The following ADK variants were observed in gnomAD, a reference collection of about 807,000 sequenced individuals.
ADK encodes adenosine kinase, also known as N6,N6-dimethyladenosine kinase.
Under a neutral mutation model 44.7 loss-of-function variants are expected in ADK, and 24 were observed. That is an observed-to-expected ratio of 0.54 (90% CI 0.39 to 0.76). ADK has a LOEUF of 0.76. Ranked by LOEUF, ADK falls within the 30% of genes least tolerant of loss-of-function variation. ADK has a pLI of 0.00. For missense variants in ADK, 321 were observed against 425.1 expected (o/e 0.76, Z 2.15); for synonymous variants, 128 against 142.6 (o/e 0.90, Z 0.73).
chr10:74,605,385 A>G (rs1217706449), intron 9 of ADK, among the ~76,000 whole-genome samples: 1 of 152,192 alleles, frequency 6.6e-6, no homozygotes, highest in Non-Finnish European at 1.5e-5. Flanking sequence ...TGGGTTTGTC[A>G]TAAATAGTTC....
At chr10:74,318,667 C>T (rs928269960) in intron 4 of ADK, among the ~76,000 whole-genome samples, 5 of 152,090 alleles carry the variant, frequency 3.3e-5, no homozygotes, top group African/African-American at 1.2e-4. Flanking sequence ...AGGATGATAG[C>T]CAATGTCTTT....
chr10:74,152,601 T>A (rs1841634767), intron 1 of ADK, among the ~76,000 whole-genome samples: 1 of 152,178 alleles, frequency 6.6e-6, no homozygotes, highest in Non-Finnish European at 1.5e-5. Context: ...ACCCTTAGAT[T>A]TCCTTAGATT....
At chr10:74,540,711 C>T (rs1354369805) in intron 7 of ADK, among the ~76,000 whole-genome samples, 2 of 152,164 alleles carry the variant, frequency 1.3e-5, no homozygotes, top group Admixed American at 6.5e-5. Flanking sequence ...CCACCTGCCT[C>T]GGCCTCCCAT....
chr10:74,177,135 G>A (rs1418560863), intron 1 of ADK, among the ~76,000 whole-genome samples: 1 of 152,146 alleles, frequency 6.6e-6, no homozygotes, highest in Non-Finnish European at 1.5e-5. Flanking sequence ...CAAATTCCAG[G>A]GTTGCAAGCG....
intron 4 of ADK, among the ~76,000 whole-genome samples, chr10:74,382,922 T>G (rs1272958260): frequency 6.6e-6 from 1 of 152,102 alleles, no homozygotes; most frequent in East Asian, 1.9e-4. Context: ...ACAGCAAAGT[T>G]TCCTTACAAT....
intron 9 of ADK, among the ~76,000 whole-genome samples, chr10:74,642,127 T>C (rs960406924): frequency 4.6e-5 from 7 of 152,170 alleles, no homozygotes; most frequent in Admixed American, 4.6e-4. Context: ...TAACCAGATA[T>C]TAAAGAGATT....
chr10:74,634,667 G>A lies in ADK; in HGVS notation c.877+34174G>A, dbSNP rs1485221508. 5.9e-5 allele frequency among the ~76,000 whole-genome samples: 9 copies of A among 152,206 alleles called. No individual in the cohort carries two copies. The East Asian group carries it at 1.7e-3, about 29-fold the overall frequency. On this transcript the variant is annotated intron_variant, in intron 9 of 10. Coordinates refer to ENST00000539909, the MANE Select transcript of ADK (RefSeq NM_006721.4). The stretch of plus-strand genomic sequence containing the variant: ...GAGAAAAAAAACAATGAACATGGCC[G>A]GGTGCAGTGGCTCACACCTGTAATC...
intron 4 of ADK, among the ~76,000 whole-genome samples, chr10:74,384,986 A>G (rs981269074): frequency 1.3e-5 from 2 of 152,192 alleles, no homozygotes; most frequent in Non-Finnish European, 2.9e-5. Flanking sequence ...AGGCAGGGAG[A>G]TGATCTAAGA....
chr10:74,273,890 C>T (rs900873720), intron 3 of ADK, among the ~76,000 whole-genome samples: 1 of 152,180 alleles, frequency 6.6e-6, no homozygotes, highest in South Asian at 2.1e-4. Context: ...CTAAACCTTA[C>T]GTAAAGTTCT....
intron 4 of ADK, among the ~76,000 whole-genome samples, chr10:74,385,142 TA>T (rs1052705161): frequency 6.6e-6 from 1 of 152,222 alleles, no homozygotes; most frequent in Non-Finnish European, 1.5e-5. Context: ...AACTGAATTG[TA>T]TATTTTAAAG....
intron 4 of ADK, among the ~76,000 whole-genome samples, chr10:74,357,453 C>A (rs998427174): frequency 1.5e-5 from 2 of 130,424 alleles, no homozygotes; most frequent in Non-Finnish European, 3.3e-5. Flanking sequence ...CCCCACCATA[C>A]CCAGTGATTT....
intron 9 of ADK, among the ~76,000 whole-genome samples, chr10:74,608,699 G>C (rs1852430358): frequency 6.6e-6 from 1 of 152,150 alleles, no homozygotes; most frequent in South Asian, 2.1e-4. Context: ...CAGTCAGGAG[G>C]CATGGGGGTC....
chr10:74,426,905 T>C (rs1227847101), intron 6 of ADK, among the ~76,000 whole-genome samples: 1 of 152,162 alleles, frequency 6.6e-6, no homozygotes, highest in Non-Finnish European at 1.5e-5. Context: ...AACTATCACC[T>C]ACATTAGGTA....
At chr10:74,470,906 G>A (rs533282479) in intron 6 of ADK, among the ~76,000 whole-genome samples, 2 of 151,906 alleles carry the variant, frequency 1.3e-5, no homozygotes, top group African/African-American at 4.8e-5. Context: ...TCTTGGAGTT[G>A]TGTAGTTTTA....
Position 74,176,485 on chromosome 10 carries a change from G to C in ADK, c.66-24279G>C, listed in dbSNP as rs1842342204. The C allele has an allele frequency of 1.5e-5, 17 of 1,158,334 alleles. No individual in the cohort carries two copies. In the South Asian group the frequency reaches 3.6e-4, roughly 24 times the overall value. The allele number at this position is 1,158,334 out of a possible 1,614,324, so 71.8% of individuals were successfully genotyped here. On this transcript the variant is annotated intron_variant, in intron 1 of 10. Transcript: ENST00000539909. ...CGTGACTGCTAAACCGGTTGCCAGA[G>C]GCGCGGCCATTTTTGGGGCGGGCAC...
At chr10:74,221,712 C>T (rs1392052094) in intron 2 of ADK, among the ~76,000 whole-genome samples, 25 of 145,420 alleles carry the variant, frequency 1.7e-4, no homozygotes, top group Admixed American at 6.2e-4. Context: ...TCAGAAATAA[C>T]GCCGCATATC....
Position 74,170,692 on chromosome 10 carries a change from C to T in ADK, c.65+19349C>T, listed in dbSNP as rs531889980. On this transcript the variant is annotated intron_variant, in intron 1 of 10. Coordinates refer to ENST00000539909, the MANE Select transcript of ADK (RefSeq NM_006721.4). ...GCGGGCACCTGTAGTCCCAGCTACTCGGGAGGCTGAGGCAGGAGAATGGCG... is the reference window on the plus strand; with the variant it reads ...GCGGGCACCTGTAGTCCCAGCTACTTGGGAGGCTGAGGCAGGAGAATGGCG... Among the ~76,000 whole-genome samples the T allele has an allele frequency of 1.6e-4, 24 of 149,628 alleles. No homozygotes were observed. In the South Asian group the frequency reaches 3.6e-3, roughly 22 times the overall value.
At chr10:74,570,384 T>C (rs1850906306) in intron 7 of ADK, among the ~76,000 whole-genome samples, 1 of 152,218 alleles carries the variant, frequency 6.6e-6, no homozygotes, top group Admixed American at 6.5e-5. Context: ...ATTTTCACAA[T>C]ATTGATTCTT....
rs150691764 is a variant in ADK at position 74,330,629 on chromosome 10, A to G, written c.273+15884A>G. ...CTTCCATATTATTTTTTCTTGGGAC[A>G]CCCATAATGGGGAATTCAACTGCTA... On this transcript the variant is annotated intron_variant, in intron 4 of 10. Transcript: ENST00000539909. 1.1e-3 allele frequency among the ~76,000 whole-genome samples: 171 copies of G among 152,232 alleles called. 1 individual carries two copies. Among genetic ancestry groups the G allele is most frequent in the Non-Finnish European group, 2.1e-3 (141 of 68,020 alleles).
Sources: gnomAD v4.1 joint callset for allele counts (sites outside exome capture counted in the v4.1 genomes callset) on GRCh38, gnomAD v4.1.1 for gene constraint, MANE v1.5 for transcripts, NCBI Gene and HGNC (gene_info 2026-07-23, HGNC 2026-07-21) for gene names.